CEP104: variants seen among roughly 807,000 people sequenced by gnomAD.
The protein encoded by CEP104 is centrosomal protein of 104 kDa.
A neutral mutation model predicts 113.3 loss-of-function variants in CEP104; 84 were observed. The observed-to-expected ratio is 0.74, with a 90% CI of 0.62 to 0.89. CEP104 has a LOEUF of 0.89. Among genes scored for constraint, CEP104 ranks in the 40% least tolerant of loss-of-function variants. The pLI is 0.00. For missense variants in CEP104, 1,053 were observed against 1,156.6 expected, an observed-to-expected ratio of 0.91 and a Z score of 1.30; for synonymous variants, 378 against 421.7, an observed-to-expected ratio of 0.90 and a Z score of 1.27.
At chr1:3,821,623 C>T (rs952368407) in intron 20 of CEP104, among the ~76,000 whole-genome samples, 6 of 152,144 alleles carry the variant, frequency 3.9e-5, no homozygotes, top group East Asian at 1.9e-4. Context: ...ACACATATCA[C>T]GCGCCTCCCG....
At chr1:3,842,488 C>T (rs927555236) in intron 6 of CEP104, among the ~76,000 whole-genome samples, 14 of 152,300 alleles carry the variant, frequency 9.2e-5, no homozygotes, top group Admixed American at 3.3e-4. Context: ...TGTGGGGAGG[C>T]GGTGTAGCCT....
At chr1:3,830,035 A>G in intron 13 of CEP104, 38 bp from the exon 14 acceptor site, 1 of 1,428,596 alleles carries the variant, frequency 7.0e-7, no homozygotes, top group Non-Finnish European at 9.9e-7. Flanking sequence ...CATTCTTAAA[A>G]TAAAACTAAT....
chr1:3,848,224 G>T (rs1470622174), intron 3 of CEP104, among the ~76,000 whole-genome samples: 1 of 152,034 alleles, frequency 6.6e-6, no homozygotes, highest in Non-Finnish European at 1.5e-5. Flanking sequence ...AAAAGTTAAG[G>T]GACAATTCAT....
At position 3,823,790 on chromosome 1, in the gene CEP104, G is replaced by A. The variant is rs926117878; in HGVS notation, c.2365-228C>T. ...CTTCCTTTCCTGTCATCTTAGCATCGGGCAGGGGCCACTGTCAAGGATGGG... is the reference window on the plus strand; with the variant it reads ...CTTCCTTTCCTGTCATCTTAGCATCAGGCAGGGGCCACTGTCAAGGATGGG... On this transcript the variant is annotated intron_variant, in intron 18 of 21. Transcript: ENST00000378230. This position sits in a 1 kb window ranked among gnomAD's most constrained non-coding sequence, Gnocchi z 4.1. 1.4e-4 allele frequency among the ~76,000 whole-genome samples: 22 copies of A among 152,280 alleles called. No individual in the cohort carries two copies. Among genetic ancestry groups the A allele is most frequent in the African/African-American group, 4.3e-4 (18 of 41,562 alleles).
At position 3,856,937 on chromosome 1, in the gene CEP104, G is replaced by A. The variant is rs1371618483; in HGVS notation, c.-63C>T. 2.0e-5 allele frequency: 3 copies of A among 152,036 alleles called. No individual in the cohort carries two copies. Among genetic ancestry groups the A allele is most frequent in the East Asian group, 1.9e-4 (1 of 5,156 alleles). 9.4% of individuals were successfully genotyped at this position (152,036 alleles called of 1,614,324 possible). A position where few individuals can be genotyped will look rare whatever the true frequency, so the allele number is the denominator to read the frequency against. On this transcript the variant is annotated 5_prime_UTR_variant, in exon 1 of 22. Coordinates refer to ENST00000378230, the MANE Select transcript of CEP104 (RefSeq NM_014704.4). ...CTGGCGCTGCCGCGGCCCCGGTGGA[G>A]AGGGCGGCTGGGTCGGAGCGGTGCC... is the stretch of plus-strand genomic sequence containing the variant.
At position 3,833,726 on chromosome 1, in the gene CEP104, A is replaced by G. The variant is rs1237070087; in HGVS notation, c.1659+136T>C. 1.7e-5 allele frequency: 13 copies of G among 776,274 alleles called. No individual in the cohort carries two copies. In the East Asian group the frequency reaches 3.5e-4, roughly 21 times the overall value. 48.1% of individuals were successfully genotyped at this position (776,274 alleles called of 1,614,324 possible). A position where few individuals can be genotyped will look rare whatever the true frequency, so the allele number is the denominator to read the frequency against. ...AAAACTGACCTTTTAGAGCATAAGG[A>G]AAGTGTGATGGTGAATCCCTGAGAA... On this transcript the variant is annotated intron_variant, in intron 12 of 21. Coordinates refer to ENST00000378230, the MANE Select transcript of CEP104 (RefSeq NM_014704.4).
In CEP104 at chr1:3,829,878, G is replaced by A. The variant is rs757310980; in HGVS notation, c.1956C>T (p.Asp652=). The A allele has an allele frequency of 5.6e-6, 9 of 1,614,142 alleles. 1 individual carries two copies. In the South Asian group the frequency reaches 9.9e-5, roughly 18 times the overall value. The change falls in exon 14 of 22, where the codon GAC becomes GAT. Residue 652 remains aspartate, a synonymous_variant. Coordinates refer to ENST00000378230, the MANE Select transcript of CEP104 (RefSeq NM_014704.4). The part of the protein sequence containing the change: ...ASILEYLPPD[D]SNTRRNILYK... Reference sequence around the variant, plus strand: ...AGAGAATGTTCCTGCGTGTGTTGCTGTCGTCTGGAGGAAGGTACTCCAGGA... The same window carrying A: ...AGAGAATGTTCCTGCGTGTGTTGCTATCGTCTGGAGGAAGGTACTCCAGGA...
intron 12 of CEP104, 88 bp from the exon 13 acceptor site, chr1:3,831,310 T>C (rs1012441932): frequency 6.8e-6 from 8 of 1,172,522 alleles, no homozygotes; most frequent in Non-Finnish European, 9.9e-6. Flanking sequence ...AACTAAACAC[T>C]GAAGGGAAAA....
intron 20 of CEP104, among the ~76,000 whole-genome samples, chr1:3,818,892 T>G (rs950259816): frequency 6.6e-6 from 1 of 152,232 alleles, no homozygotes; most frequent in East Asian, 1.9e-4. Flanking sequence ...CCATCAAGGC[T>G]TAAGCTTTCT....
intron 6 of CEP104, among the ~76,000 whole-genome samples, chr1:3,843,549 GA>G (rs1644453204): frequency 1.3e-5 from 1 of 74,604 alleles, no homozygotes. Context: ...ATGGGGTTTT[GA>G]CATGTTCCCC....
intron 2 of CEP104, among the ~76,000 whole-genome samples, chr1:3,851,792 G>GTATAC (rs1644616042): frequency 1.3e-5 from 2 of 152,246 alleles, no homozygotes; most frequent in African/African-American, 4.8e-5. Flanking sequence ...TGGGACTGCA[G>GTATAC]GCGGGAGCCA....
At chr1:3,851,009 C>G (rs1476735247) in intron 2 of CEP104, among the ~76,000 whole-genome samples, 2 of 152,204 alleles carry the variant, frequency 1.3e-5, no homozygotes, top group African/African-American at 4.8e-5. Context: ...TGAGCAGGGT[C>G]ATGGGGAGTC....
intron 15 of CEP104, among the ~76,000 whole-genome samples, chr1:3,828,117 C>T (rs1644128563): frequency 6.6e-6 from 1 of 152,084 alleles, no homozygotes; most frequent in African/African-American, 2.4e-5. Context: ...CTTCTGGAGC[C>T]ACTGCCACCA....
In CEP104 at chr1:3,826,362, C is replaced by G; in HGVS notation, c.2255+8G>C. The G allele has an allele frequency of 6.2e-7, 1 of 1,613,300 alleles. No homozygotes were observed. The highest frequency in any genetic ancestry group is 8.5e-7 in the Non-Finnish European group (1 of 1,179,404). On this transcript the variant is annotated splice_region_variant and intron_variant, in intron 17 of 21. Coordinates refer to ENST00000378230, the MANE Select transcript of CEP104 (RefSeq NM_014704.4). ...ATCGTACAATGGGTGGAAGACAGCG[C>G]GACTTACTTATCTAGATAGTGCTCA...
At position 3,823,630 on chromosome 1, in the gene CEP104, G is replaced by T; in HGVS notation, c.2365-68C>A. On this transcript the variant is annotated intron_variant, in intron 18 of 21. Transcript: ENST00000378230. This position sits in a 1 kb window ranked among gnomAD's most constrained non-coding sequence, Gnocchi z 4.1. ...GGCAGCGCCCTCCAGCCAGCCTGCAGAGCCTGTGAGCGCCTCCCCTGCCCA... is the reference window on the plus strand; with the variant it reads ...GGCAGCGCCCTCCAGCCAGCCTGCATAGCCTGTGAGCGCCTCCCCTGCCCA... 3 of 1,598,936 alleles carry T rather than the reference G, an allele frequency of 1.9e-6. No homozygotes were observed. The highest frequency in any genetic ancestry group is 2.6e-6 in the Non-Finnish European group (3 of 1,170,088).
chr1:3,818,035 C>T, intron 20 of CEP104, among the ~76,000 whole-genome samples: 1 of 152,240 alleles, frequency 6.6e-6, no homozygotes, highest in Middle Eastern at 3.2e-3. Flanking sequence ...CCTGGCCGCC[C>T]TATGGCCAAG....
rs1374743954 is a variant in CEP104 at position 3,829,997 on chromosome 1, A to G, written c.1837T>C (p.Phe613Leu). 6.2e-7 allele frequency: 1 copy of G among 1,612,856 alleles called. No individual in the cohort carries two copies. Among genetic ancestry groups the G allele is most frequent in the East Asian group, 2.2e-5 (1 of 44,860 alleles). ...SGFTIDNVMK[F>L]SVSALEHRVY... is the part of the protein sequence containing the mutation. ...CTATGCTCCAGGGCACTCACTGAAA[A>G]CTAAAGTTGGGAGGGGCTCTTGTTA... Residue 613 changes from phenylalanine (F) to leucine (L), a missense_variant and splice_region_variant, in exon 14 of 22, where the codon TTT becomes CTT. Transcript: ENST00000378230.
intron 7 of CEP104, among the ~76,000 whole-genome samples, chr1:3,839,388 C>T (rs1644373281): frequency 6.6e-6 from 1 of 152,028 alleles, no homozygotes; most frequent in Admixed American, 6.6e-5. Flanking sequence ...GGTAGCTGAC[C>T]CTGACACCTG....
chr1:3,847,729 A>G, intron 3 of CEP104, 116 bp from the exon 4 acceptor site: 2 of 1,080,852 alleles, frequency 1.9e-6, no homozygotes, highest in Non-Finnish European at 2.7e-6. Context: ...TTTTAAAGCT[A>G]GACTACCCCT....
Sources: allele counts gnomAD v4.1 joint callset (sites outside exome capture counted in the v4.1 genomes callset), GRCh38; gene constraint gnomAD v4.1.1; non-coding constraint Gnocchi (gnomAD v3.1); transcripts MANE v1.5; gene names NCBI Gene and HGNC (gene_info 2026-07-23, HGNC 2026-07-21).